The following FBXL2 variants were observed in gnomAD, a reference collection of about 807,000 sequenced individuals.
FBXL2 encodes the protein F-box and leucine rich repeat protein 2, also known as F-box/LRR-repeat protein 2.
Under a neutral mutation model 69.2 loss-of-function variants are expected in FBXL2, and 38 were observed. The observed-to-expected ratio is 0.55, with a 90% CI of 0.42 to 0.72. The LOEUF is 0.72. Ranked by LOEUF, FBXL2 falls within the 30% of genes least tolerant of loss-of-function variation. The probability of loss-of-function intolerance (pLI) is 0.00; values close to 1 mark genes in which losing one functional copy is unlikely to be tolerated. For missense variants in FBXL2, 354 were observed against 520.3 expected (o/e 0.68, Z 3.11); for synonymous variants, 192 against 201.3 (o/e 0.95, Z 0.39).
chr3:33,412,206 AGAT>A, the FBXL2 span, among the ~76,000 whole-genome samples: 1 of 147,618 alleles, frequency 6.8e-6, no homozygotes, highest in Non-Finnish European at 1.5e-5. Context: ...AAAAAAAAAA[AGAT>A]AGATGGTTTA....
At chr3:33,339,807 G>A (rs1386857715) in intron 2 of FBXL2, among the ~76,000 whole-genome samples, 1 of 152,178 alleles carries the variant, frequency 6.6e-6, no homozygotes, top group East Asian at 1.9e-4. Flanking sequence ...AAATGTATGT[G>A]TCTACCAAAA....
At chr3:33,279,605 T>C (rs1417200506) in intron 1 of FBXL2, among the ~76,000 whole-genome samples, 3 of 152,152 alleles carry the variant, frequency 2.0e-5, no homozygotes, top group Non-Finnish European at 4.4e-5. Flanking sequence ...CTTCCTTAAC[T>C]GCTTGAATCT....
chr3:33,323,766 C>A (rs1048660186), intron 2 of FBXL2, among the ~76,000 whole-genome samples: 1 of 152,136 alleles, frequency 6.6e-6, no homozygotes, highest in African/African-American at 2.4e-5. Flanking sequence ...CTGCAATAAA[C>A]ATATGTGTGT....
In FBXL2 at chr3:33,277,694, G is replaced by A. The variant is rs565264366; in HGVS notation, c.3+179G>A. ...GCGGGCCCGGGGAGGGGTAACCTGGGGGATTCAGAGCGCCCGCCTGCCGGG... is the reference window on the plus strand; with the variant it reads ...GCGGGCCCGGGGAGGGGTAACCTGGAGGATTCAGAGCGCCCGCCTGCCGGG... On this transcript the variant is annotated intron_variant, in intron 1 of 14. Transcript: ENST00000484457. 3.9e-5 allele frequency among the ~76,000 whole-genome samples: 6 copies of A among 152,134 alleles called. 1 individual carries two copies. Among genetic ancestry groups the A allele is most frequent in the African/African-American group, 1.4e-4 (6 of 41,548 alleles).
intron 2 of FBXL2, among the ~76,000 whole-genome samples, chr3:33,307,647 A>G (rs1014380458): frequency 3.3e-5 from 5 of 152,072 alleles, no homozygotes; most frequent in Non-Finnish European, 5.9e-5. Flanking sequence ...GTAAACGGGC[A>G]TCATGTCTAC....
At position 33,364,717 on chromosome 3, in the gene FBXL2, G is replaced by C. The variant is rs1196447013; in HGVS notation, c.288G>C (p.Leu96Phe). The C allele has an allele frequency of 6.2e-7, 1 of 1,613,502 alleles. No individual in the cohort carries two copies. The highest frequency in any genetic ancestry group is 1.1e-5 in the South Asian group (1 of 91,050). The change falls in exon 5 of 15, where the codon TTG (leucine) becomes TTC (phenylalanine). Residue 96 changes from leucine to phenylalanine, a missense_variant and splice_region_variant. Physicochemically the swap from Leu to Phe is conservative, Grantham distance 22. Transcript: ENST00000484457. ...GCATTGGTGTTGGGGATTCCTCCTT[G>C]AAGTAAGTCAAATCCAGTGACTCAC... ...RGCIGVGDSS[L>F]KTFAQNCRNI...
At chr3:33,393,917 T>C (rs1231987896) in intron 12 of FBXL2, among the ~76,000 whole-genome samples, 1 of 152,206 alleles carries the variant, frequency 6.6e-6, no homozygotes, top group Non-Finnish European at 1.5e-5. Flanking sequence ...GAGGACTTTA[T>C]GGTATGTAAA....
chr3:33,328,520 A>T (rs1277768793), intron 2 of FBXL2, among the ~76,000 whole-genome samples: 1 of 152,188 alleles, frequency 6.6e-6, no homozygotes, highest in Non-Finnish European at 1.5e-5. Context: ...GTGGAACAGA[A>T]TAGAGAACCT....
chr3:33,307,511 A>G (rs2036824948), intron 2 of FBXL2, among the ~76,000 whole-genome samples: 1 of 152,078 alleles, frequency 6.6e-6, no homozygotes, highest in African/African-American at 2.4e-5. Flanking sequence ...GACAGTTGGC[A>G]GATTTTGAAT....
chr3:33,358,055 C>T (rs966227598), intron 2 of FBXL2, among the ~76,000 whole-genome samples: 5 of 152,124 alleles, frequency 3.3e-5, no homozygotes, highest in African/African-American at 1.2e-4. Context: ...CGATTGTTGC[C>T]TTTGAAGAAT....
chr3:33,413,561 A>C, the FBXL2 span, among the ~76,000 whole-genome samples: 1 of 151,894 alleles, frequency 6.6e-6, no homozygotes, highest in South Asian at 2.1e-4. Flanking sequence ...AAAAAAAAAA[A>C]AAAACTTTGA....
chr3:33,279,545 C>CT (rs2033736234), intron 1 of FBXL2, among the ~76,000 whole-genome samples: 1 of 152,220 alleles, frequency 6.6e-6, no homozygotes, highest in Admixed American at 6.5e-5. Context: ...GGATTGCAGG[C>CT]TTGAGCCACC....
At chr3:33,320,318 A>G (rs1276267230) in intron 2 of FBXL2, among the ~76,000 whole-genome samples, 1 of 152,162 alleles carries the variant, frequency 6.6e-6, no homozygotes, top group East Asian at 1.9e-4. Flanking sequence ...GGGACAATAT[A>G]TGGTTCTGGG....
At chr3:33,308,498 C>T (rs2036913517) in intron 2 of FBXL2, among the ~76,000 whole-genome samples, 1 of 152,134 alleles carries the variant, frequency 6.6e-6, no homozygotes, top group Non-Finnish European at 1.5e-5. Flanking sequence ...TTCTTCCATC[C>T]ACACTGATAG....
At chr3:33,397,598 C>T (rs1256072839) in intron 12 of FBXL2, 1 of 152,236 alleles carries the variant, frequency 6.6e-6, no homozygotes, top group African/African-American at 2.4e-5. Flanking sequence ...AGTTGGTAGC[C>T]GAACTAGGAC....
downstream of FBXL2, among the ~76,000 whole-genome samples, chr3:33,404,063 C>A (rs2044345163): frequency 6.6e-6 from 1 of 152,122 alleles, no homozygotes; most frequent in African/African-American, 2.4e-5. Flanking sequence ...GAGTTCAAGA[C>A]CAGCCTGGGC....
chr3:33,395,179 C>G (rs1184181591), intron 12 of FBXL2, among the ~76,000 whole-genome samples: 1 of 152,142 alleles, frequency 6.6e-6, no homozygotes, highest in African/African-American at 2.4e-5. Context: ...AAATTCAGAG[C>G]TTTTGAAGTC....
In FBXL2 at chr3:33,385,619, C is replaced by G. The variant is rs745324004; in HGVS notation, c.*11C>G. 1 of 1,610,872 alleles carries G rather than the reference C, an allele frequency of 6.2e-7. No homozygotes were observed. The highest frequency in any genetic ancestry group is 8.5e-7 in the Non-Finnish European group (1 of 1,177,132). ...TGTGTCATTCTCTGACAGCAGCTGC[C>G]TGGGCCCAAGGGGTGATGAGGCATC... On this transcript the variant is annotated 3_prime_UTR_variant, in exon 15 of 15. Transcript: ENST00000484457.
chr3:33,348,838 C>A (rs1334966822), intron 2 of FBXL2, among the ~76,000 whole-genome samples: 1 of 151,948 alleles, frequency 6.6e-6, no homozygotes, highest in Non-Finnish European at 1.5e-5. Context: ...ACTTCTTTGC[C>A]TGATTCCTTA....
Sources: gnomAD v4.1 joint callset for allele counts (sites outside exome capture counted in the v4.1 genomes callset) on GRCh38, gnomAD v4.1.1 for gene constraint, MANE v1.5 for transcripts, NCBI Gene and HGNC (gene_info 2026-07-23, HGNC 2026-07-21) for gene names.